Variants in KIRREL1 observed in about 807,000 individuals in gnomAD.
KIRREL1 encodes the protein kin of IRRE-like protein 1.
KIRREL1 carries 25 observed loss-of-function variants against 83.3 expected under a neutral mutation model. The ratio of observed to expected loss-of-function variants is 0.30; its 90% CI spans 0.22 to 0.42. The LOEUF is 0.42. Among genes scored for constraint, KIRREL1 ranks in the 10% least tolerant of loss-of-function variants. The probability of loss-of-function intolerance (pLI) is 1.00; values close to 1 mark genes in which losing one functional copy is unlikely to be tolerated. For synonymous variants in KIRREL1, 388 were observed against 410.4 expected (o/e 0.95, Z 0.66); for missense variants, 812 against 1,032.3 (o/e 0.79, Z 2.92).
At chr1:157,997,471 G>GTA (rs1400639903) in intron 1 of KIRREL1, among the ~76,000 whole-genome samples, 2 of 149,998 alleles carry the variant, frequency 1.3e-5, no homozygotes, top group African/African-American at 2.5e-5. Flanking sequence ...TTTGTGGGGT[G>GTA]TGTGTGTGTG....
At chr1:158,024,059 T>C (rs1031979758) in intron 1 of KIRREL1, among the ~76,000 whole-genome samples, 1 of 152,100 alleles carries the variant, frequency 6.6e-6, no homozygotes, top group African/African-American at 2.4e-5. Flanking sequence ...GTGATTCTCT[T>C]GCCTTAGCCT....
At position 158,023,552 on chromosome 1, in the gene KIRREL1, C is replaced by G. The variant is rs544586005; in HGVS notation, c.52+29824C>G. The stretch of plus-strand genomic sequence containing the variant: ...ACAGGAATCCCCACACCAGACAGGA[C>G]CATCTATTCTCCATTCTCCGTTTAA... On this transcript the variant is annotated intron_variant, in intron 1 of 14. Coordinates refer to ENST00000359209, the MANE Select transcript of KIRREL1 (RefSeq NM_018240.7). 9.5e-4 allele frequency among the ~76,000 whole-genome samples: 145 copies of G among 152,218 alleles called. 1 individual carries two copies. The highest frequency in any genetic ancestry group is 1.5e-3 in the Non-Finnish European group (100 of 68,006).
chr1:158,076,072 C>A, intron 1 of KIRREL1, 41 bp from the exon 2 acceptor site: 1 of 1,590,722 alleles, frequency 6.3e-7, no homozygotes, highest in Non-Finnish European at 8.6e-7. Flanking sequence ...AGGAGCCCCT[C>A]TCCTTACTCA....
At chr1:158,064,567 C>A (rs1661310677) in intron 1 of KIRREL1, among the ~76,000 whole-genome samples, 1 of 152,226 alleles carries the variant, frequency 6.6e-6, no homozygotes, top group South Asian at 2.1e-4. Context: ...AGGTGGCCAT[C>A]CAGCCTTATC....
At chr1:158,029,687 A>G (rs920626864) in intron 1 of KIRREL1, among the ~76,000 whole-genome samples, 1 of 152,248 alleles carries the variant, frequency 6.6e-6, no homozygotes, top group East Asian at 1.9e-4. Flanking sequence ...CTCTGAAATC[A>G]GAGAGATACG....
At chr1:158,093,828 A>C in intron 13 of KIRREL1, 66 bp downstream of exon 13, 1 of 1,575,084 alleles carries the variant, frequency 6.3e-7, no homozygotes, top group Non-Finnish European at 8.7e-7. Flanking sequence ...TCCATCCCAG[A>C]TCTCTAATAA....
intron 1 of KIRREL1, among the ~76,000 whole-genome samples, chr1:158,047,785 G>T (rs896913107): frequency 6.6e-6 from 1 of 152,178 alleles, no homozygotes. Context: ...CCCTCCCAGA[G>T]CTGTGAAATG....
At chr1:158,093,127 A>G (rs1014580375) in intron 11 of KIRREL1, among the ~76,000 whole-genome samples, 3 of 152,188 alleles carry the variant, frequency 2.0e-5, no homozygotes, top group Admixed American at 6.5e-5. Flanking sequence ...ATGGAGCTGG[A>G]GCACAGACCA....
intron 1 of KIRREL1, among the ~76,000 whole-genome samples, chr1:158,019,379 C>T (rs553928934): frequency 2.0e-5 from 3 of 152,214 alleles, no homozygotes; most frequent in South Asian, 4.1e-4. Flanking sequence ...TCTGTTATGT[C>T]CTGTACTAGT....
intron 2 of KIRREL1, 91 bp downstream of exon 2, chr1:158,076,353 G>A: frequency 8.4e-7 from 1 of 1,191,044 alleles, no homozygotes; most frequent in Non-Finnish European, 1.2e-6. Flanking sequence ...CCATCCCTTA[G>A]TTCCCTCACC....
chr1:158,060,344 T>A (rs1407257026), intron 1 of KIRREL1, among the ~76,000 whole-genome samples: 6 of 152,172 alleles, frequency 3.9e-5, no homozygotes, highest in African/African-American at 1.4e-4. Flanking sequence ...ATTTCACCCA[T>A]TCCCACCCTC....
At chr1:158,006,862 C>T (rs1196995873) in intron 1 of KIRREL1, among the ~76,000 whole-genome samples, 2 of 152,184 alleles carry the variant, frequency 1.3e-5, no homozygotes, top group Non-Finnish European at 2.9e-5. Context: ...CAGAGGTGGG[C>T]CTGCCTCACA....
chr1:158,064,909 T>C (rs1317858368), intron 1 of KIRREL1, among the ~76,000 whole-genome samples: 8 of 150,466 alleles, frequency 5.3e-5, no homozygotes, highest in Non-Finnish European at 1.0e-4. Context: ...AGGAGAATAA[T>C]GTCTAACACC....
rs1352072088 is a variant in KIRREL1 at position 157,993,770 on chromosome 1, C to T, written c.52+42C>T. The T allele has an allele frequency of 4.5e-6, 6 of 1,332,978 alleles. No homozygotes were observed. In the East Asian group the frequency reaches 9.2e-5, roughly 21 times the overall value. The allele number at this position is 1,332,978 out of a possible 1,614,324, so 82.6% of individuals were successfully genotyped here. A position where few individuals can be genotyped will look rare whatever the true frequency, so the allele number is the denominator to read the frequency against. On this transcript the variant is annotated intron_variant, in intron 1 of 14. Coordinates refer to ENST00000359209, the MANE Select transcript of KIRREL1 (RefSeq NM_018240.7). ...CACCCCCGGACGCTCGGCTTCCCCC[C>T]GGGGCCGGGGCACTGCTTCCCCGGT...
intron 1 of KIRREL1, among the ~76,000 whole-genome samples, chr1:158,037,468 G>C (rs1570937230): frequency 1.4e-5 from 2 of 146,382 alleles, no homozygotes; most frequent in African/African-American, 5.1e-5. Context: ...ACTCCAGCCT[G>C]GCGACAAAGC....
intron 3 of KIRREL1, among the ~76,000 whole-genome samples, chr1:158,079,197 C>T (rs1039119170): frequency 6.6e-6 from 1 of 152,140 alleles, no homozygotes; most frequent in Non-Finnish European, 1.5e-5. Context: ...TCCTTTCCTT[C>T]CTTCTAACTT....
chr1:158,100,006 T>A lies in KIRREL1; in HGVS notation c.*4886T>A, dbSNP rs975523184. Reference sequence around the variant, plus strand: ...CTCCATTTCTAGCTCCTGTTGAATTTTCTCCACCCAGACCCCAAAAATAAA... The same window carrying A: ...CTCCATTTCTAGCTCCTGTTGAATTATCTCCACCCAGACCCCAAAAATAAA... On this transcript the variant is annotated 3_prime_UTR_variant, in exon 15 of 15. Transcript: ENST00000359209. The A allele has an allele frequency of 6.6e-6, 1 of 152,126 alleles. No individual in the cohort carries two copies. The highest frequency in any genetic ancestry group is 1.5e-5 in the Non-Finnish European group (1 of 68,028). 9.4% of individuals were successfully genotyped at this position (152,126 alleles called of 1,614,324 possible).
intron 1 of KIRREL1, among the ~76,000 whole-genome samples, chr1:158,042,845 GGGA>G (rs1660667588): frequency 6.6e-6 from 1 of 151,384 alleles, no homozygotes; most frequent in East Asian, 1.9e-4. Context: ...AGGCCAAGGT[GGGA>G]GGATCATGAG....
chr1:158,054,888 T>C (rs949735144), intron 1 of KIRREL1, among the ~76,000 whole-genome samples: 8 of 152,134 alleles, frequency 5.3e-5, no homozygotes, highest in African/African-American at 1.9e-4. Flanking sequence ...AAGATGGAAG[T>C]TCCTGATCTT....
Sources: gnomAD v4.1 joint callset for allele counts (sites outside exome capture counted in the v4.1 genomes callset) on GRCh38, gnomAD v4.1.1 for gene constraint, MANE v1.5 for transcripts, NCBI Gene and HGNC (gene_info 2026-07-23, HGNC 2026-07-21) for gene names.